EPB41L5: variants seen among roughly 807,000 people sequenced by gnomAD.
The protein encoded by EPB41L5 is band 4.1-like protein 5.
In EPB41L5, 55 loss-of-function variants were observed where a neutral mutation model predicts 106.6. The ratio of observed to expected loss-of-function variants is 0.52; its 90% CI spans 0.42 to 0.65. EPB41L5 has a LOEUF of 0.65. Among genes scored for constraint, EPB41L5 ranks in the 30% least tolerant of loss-of-function variants. EPB41L5 has a pLI of 0.00. For missense variants in EPB41L5, 871 were observed against 882.1 expected, an observed-to-expected ratio of 0.99 and a Z score of 0.16; for synonymous variants, 297 against 306.7, an observed-to-expected ratio of 0.97 and a Z score of 0.33.
At chr2:120,095,518 A>T (rs1683690587) in intron 14 of EPB41L5, among the ~76,000 whole-genome samples, 1 of 149,086 alleles carries the variant, frequency 6.7e-6, no homozygotes. Context: ...TTTTTAGACT[A>T]CATAATCTCA....
At chr2:120,167,443 A>G (rs761984562) in intron 22 of EPB41L5, 23 bp from the exon 23 acceptor site, 12 of 1,601,142 alleles carry the variant, frequency 7.5e-6, no homozygotes, top group Non-Finnish European at 1.0e-5. Flanking sequence ...AAAAGTAAAT[A>G]CATACATATA....
chr2:120,116,548 G>T (rs1684955543), intron 16 of EPB41L5, among the ~76,000 whole-genome samples: 1 of 152,074 alleles, frequency 6.6e-6, no homozygotes, highest in Admixed American at 6.6e-5. Context: ...TTGAGATAGG[G>T]TCTTGCTCTC....
intron 16 of EPB41L5, among the ~76,000 whole-genome samples, chr2:120,121,386 TTCCCTGCCTTGTGTC>T (rs956194235): frequency 5.9e-5 from 9 of 152,212 alleles, no homozygotes; most frequent in Admixed American, 1.3e-4. Context: ...GTGTGTGGTG[TTCCCTGCCTTGTGTC>T]CAAGTGTTTT....
chr2:120,017,319 C>T (rs1259479559), intron 1 of EPB41L5, among the ~76,000 whole-genome samples: 4 of 152,358 alleles, frequency 2.6e-5, no homozygotes, highest in South Asian at 4.1e-4. Context: ...TTATGTACCT[C>T]CTGTCTGTTG....
At chr2:120,110,633 C>CTT (rs1176810559) in intron 16 of EPB41L5, among the ~76,000 whole-genome samples, 2 of 147,342 alleles carry the variant, frequency 1.4e-5, no homozygotes, top group Admixed American at 6.7e-5. Context: ...CTACCTTCCC[C>CTT]TATTTTTTTT....
intron 18 of EPB41L5, among the ~76,000 whole-genome samples, chr2:120,134,699 A>T (rs1049370507): frequency 6.6e-6 from 1 of 152,256 alleles, no homozygotes; most frequent in Admixed American, 6.5e-5. Context: ...CCAAGGCTGT[A>T]CCTTAACAAG....
intron 10 of EPB41L5, among the ~76,000 whole-genome samples, chr2:120,085,488 A>G (rs1380546667): frequency 6.6e-6 from 1 of 152,132 alleles, no homozygotes; most frequent in Admixed American, 6.5e-5. Context: ...TCAGAGGGGT[A>G]CCCAGCCGTG....
intron 17 of EPB41L5, among the ~76,000 whole-genome samples, chr2:120,129,343 A>AAAAG (rs34424739): frequency 0.61 from 90,680 of 148,196 alleles, 29,473 homozygotes; most frequent in Middle Eastern, 0.73. Flanking sequence ...CTCAAAAAAA[A>AAAAG]AAAGAAAGAA....
At chr2:120,152,001 T>C (rs1686702336) in intron 20 of EPB41L5, among the ~76,000 whole-genome samples, 2 of 152,172 alleles carry the variant, frequency 1.3e-5, no homozygotes, top group Admixed American at 1.3e-4. Context: ...TTATTTCCAG[T>C]TGGGAAGTTT....
intron 20 of EPB41L5, among the ~76,000 whole-genome samples, chr2:120,148,150 CTTTCT>C (rs888220132): frequency 4.0e-5 from 6 of 151,826 alleles, no homozygotes; most frequent in African/African-American, 1.5e-4. Flanking sequence ...GATCATTTTT[CTTTCT>C]TTTTTTTACT....
At chr2:120,095,539 C>T (rs1047316930) in intron 14 of EPB41L5, among the ~76,000 whole-genome samples, 37 of 151,280 alleles carry the variant, frequency 2.4e-4, no homozygotes, top group African/African-American at 7.5e-4. Context: ...CTTGACCTGT[C>T]CTCAAGCTTA....
intron 2 of EPB41L5, among the ~76,000 whole-genome samples, chr2:120,033,271 T>G (rs1678833486): frequency 6.6e-6 from 1 of 152,220 alleles, no homozygotes; most frequent in South Asian, 2.1e-4. Flanking sequence ...TATCTGTGAC[T>G]TATTTTCATG....
chr2:120,087,907 G>A (rs1332861976), intron 11 of EPB41L5, among the ~76,000 whole-genome samples: 1 of 152,156 alleles, frequency 6.6e-6, no homozygotes, highest in Non-Finnish European at 1.5e-5. Context: ...ATGCTTGGAT[G>A]CAACTCACAT....
intron 18 of EPB41L5, among the ~76,000 whole-genome samples, chr2:120,136,851 T>A (rs1685942886): frequency 6.6e-6 from 1 of 151,842 alleles, no homozygotes; most frequent in Non-Finnish European, 1.5e-5. Flanking sequence ...AAAAATTAAC[T>A]CAAAAAATTG....
chr2:120,024,855 G>A (rs1237929244), intron 2 of EPB41L5, among the ~76,000 whole-genome samples: 8 of 152,126 alleles, frequency 5.3e-5, no homozygotes, highest in Non-Finnish European at 1.0e-4. Context: ...GTATGAGGCC[G>A]ACTTGATCAT....
chr2:120,125,065 ACTTGATATTT>A lies in EPB41L5; in HGVS notation c.1338-2622_1338-2613del, dbSNP rs1178962459. 7.2e-5 allele frequency among the ~76,000 whole-genome samples: 11 copies of A among 152,296 alleles called. No homozygotes were observed. The East Asian group carries it at 1.7e-3, about 24-fold the overall frequency. On this transcript the variant is annotated intron_variant, in intron 16 of 24. Coordinates refer to ENST00000263713, the MANE Select transcript of EPB41L5 (RefSeq NM_020909.4). ...TAATTTTTGCCTGTATCCATTATTA[ACTTGATATTT>A]GTAATATGGTGATGTTCTAATTCTG... is the stretch of plus-strand genomic sequence containing the variant.
chr2:120,072,575 A>G (rs1558847311), intron 3 of EPB41L5, among the ~76,000 whole-genome samples: 1 of 152,332 alleles, frequency 6.6e-6, no homozygotes, highest in South Asian at 2.1e-4. Context: ...TGTAGCACAT[A>G]TACACCATGG....
chr2:120,102,457 G>A (rs1327011092), intron 16 of EPB41L5, among the ~76,000 whole-genome samples: 1 of 152,128 alleles, frequency 6.6e-6, no homozygotes, highest in African/African-American at 2.4e-5. Flanking sequence ...TGAATATAGA[G>A]CTGGCATGTT....
chr2:120,102,481 A>C (rs1339027288), intron 16 of EPB41L5, among the ~76,000 whole-genome samples: 1 of 151,084 alleles, frequency 6.6e-6, no homozygotes, highest in East Asian at 1.9e-4. Flanking sequence ...GAGATAATGG[A>C]CTCTCCCGCC....
Sources: allele counts gnomAD v4.1 joint callset (sites outside exome capture counted in the v4.1 genomes callset), GRCh38; gene constraint gnomAD v4.1.1; transcripts MANE v1.5; gene names NCBI Gene and HGNC (gene_info 2026-07-23, HGNC 2026-07-21).